Variants in TBC1D15 observed in about 807,000 individuals in gnomAD.
The protein encoded by TBC1D15 is TBC1 domain family member 15.
A neutral mutation model predicts 95.4 loss-of-function variants in TBC1D15; 39 were observed. The ratio of observed to expected loss-of-function variants is 0.41; its 90% CI spans 0.32 to 0.53. The LOEUF (loss-of-function observed/expected upper bound fraction) is 0.53. Ranked by LOEUF, TBC1D15 falls within the 20% of genes least tolerant of loss-of-function variation. The pLI, the probability that TBC1D15 is intolerant of heterozygous loss-of-function variation, is 0.29. For missense variants in TBC1D15, 733 were observed against 794.3 expected, an observed-to-expected ratio of 0.92 and a Z score of 0.93; for synonymous variants, 258 against 261.3, an observed-to-expected ratio of 0.99 and a Z score of 0.12.
chr12:71,893,979 TGAGA>T (rs1320503331), intron 6 of TBC1D15, among the ~76,000 whole-genome samples: 1 of 151,912 alleles, frequency 6.6e-6, no homozygotes, highest in Non-Finnish European at 1.5e-5. Flanking sequence ...GGAAAGAGGA[TGAGA>T]GAGAGAACTA....
chr12:71,892,235 T>C (rs1392844232), intron 5 of TBC1D15, among the ~76,000 whole-genome samples: 1 of 150,374 alleles, frequency 6.7e-6, no homozygotes, highest in African/African-American at 2.5e-5. Context: ...TATATGCAGA[T>C]CGAGTGCTGT....
intron 4 of TBC1D15, 120 bp from the exon 5 acceptor site, chr12:71,884,691 A>G (rs1369258190): frequency 1.5e-5 from 11 of 748,682 alleles, no homozygotes; most frequent in Non-Finnish European, 2.4e-5. Context: ...CCATAATAAT[A>G]TAAGTGCTAT....
At chr12:71,895,142 C>T (rs1205373848) in intron 7 of TBC1D15, among the ~76,000 whole-genome samples, 1 of 151,990 alleles carries the variant, frequency 6.6e-6, no homozygotes, top group Non-Finnish European at 1.5e-5. Flanking sequence ...TCATTGGGTG[C>T]ATAGCAGAGT....
At chr12:71,863,488 G>A (rs1406072033) in intron 1 of TBC1D15, among the ~76,000 whole-genome samples, 1 of 152,084 alleles carries the variant, frequency 6.6e-6, no homozygotes, top group East Asian at 1.9e-4. Flanking sequence ...TTTGACAGTT[G>A]GACTATAATG....
chr12:71,877,547 C>CCTTT (rs1894200927), intron 3 of TBC1D15, among the ~76,000 whole-genome samples: 1 of 120,266 alleles, frequency 8.3e-6, no homozygotes. Flanking sequence ...TTCCTTCCTT[C>CCTTT]CTTCCTTCCT....
At chr12:71,875,083 C>T (rs1348456839) in intron 3 of TBC1D15, among the ~76,000 whole-genome samples, 5 of 151,464 alleles carry the variant, frequency 3.3e-5, no homozygotes, top group African/African-American at 9.7e-5. Context: ...GAACTACAGG[C>T]GCATGCCACC....
At position 71,869,267 on chromosome 12, in the gene TBC1D15, A is replaced by G. The variant is rs969512939; in HGVS notation, c.31-2803A>G. 3.5e-4 allele frequency among the ~76,000 whole-genome samples: 53 copies of G among 152,326 alleles called. 1 individual carries two copies. Among genetic ancestry groups the G allele is most frequent in the African/African-American group, 1.1e-3 (44 of 41,578 alleles). On this transcript the variant is annotated intron_variant, in intron 1 of 16. Transcript: ENST00000485960. ...GCTGGGTGCTGTGGCTCATGCCTGT[A>G]ATCCCAGCACTTTGAGAGGCCAAGG...
At position 71,894,717 on chromosome 12, in the gene TBC1D15, T is replaced by A; in HGVS notation, c.689T>A (p.Met230Lys). Residue 230 changes from methionine to lysine, a missense_variant, in exon 7 of 17, where the codon ATG becomes AAG. Transcript: ENST00000485960. Reference sequence around the variant, plus strand: ...AAAAAGGACCCTTATACGGCAACTATGATAGGATTTTCCAAAGTCACAAAC... The same window carrying A: ...AAAAAGGACCCTTATACGGCAACTAAGATAGGATTTTCCAAAGTCACAAAC... ...KIKKDPYTAT[M>K]IGFSKVTNYI... The A allele has an allele frequency of 1.2e-6, 2 of 1,613,134 alleles. No homozygotes were observed. The highest frequency in any genetic ancestry group is 1.7e-6 in the Non-Finnish European group (2 of 1,179,320).
chr12:71,873,080 C>A, intron 3 of TBC1D15, 77 bp downstream of exon 3: 2 of 964,088 alleles, frequency 2.1e-6, no homozygotes, highest in Non-Finnish European at 3.1e-6. Context: ...AATTCACATA[C>A]CATAAAATGC....
rs200912836 is a variant in TBC1D15 at position 71,877,496 on chromosome 12, TTTCCTTCCTTCCTTCCTTCC to T, written c.205-2926_205-2907del. On this transcript the variant is annotated intron_variant, in intron 3 of 16. Coordinates refer to ENST00000485960, the MANE Select transcript of TBC1D15 (RefSeq NM_001146213.3). ...ATTTTAAAATCTTTTCTTTCCTGTTTTTCCTTCCTTCCTTCCTTCCTTCCTTCCTTCCTTCCTTCCTTCCT... is the reference window on the plus strand; with the variant it reads ...ATTTTAAAATCTTTTCTTTCCTGTTTTTCCTTCCTTCCTTCCTTCCTTCCT... 5.5e-3 allele frequency among the ~76,000 whole-genome samples: 492 copies of T among 89,692 alleles called. 2 individuals are homozygous for T. The highest frequency in any genetic ancestry group is 7.3e-3 in the Non-Finnish European group (323 of 44,210). The allele number at this position is 89,692 out of a possible 152,430, so 58.8% of individuals were successfully genotyped here. A position where few individuals can be genotyped will look rare whatever the true frequency, so the allele number is the denominator to read the frequency against.
chr12:71,872,811 G>A (rs1892967494), intron 2 of TBC1D15, 118 bp from the exon 3 acceptor site: 2 of 648,120 alleles, frequency 3.1e-6, no homozygotes, highest in Non-Finnish European at 5.1e-6. Flanking sequence ...TATGATGTTA[G>A]CATATTTAAA....
rs1592690036 is a variant in TBC1D15, at chr12:71,849,706, T to C, written c.30+9895T>C. On this transcript the variant is annotated intron_variant, in intron 1 of 16. Transcript: ENST00000485960. ...TCTGCATGGTCAGTCCCAGTACTGC[T>C]CTTTTCAAAGACTCGGGGGTCACTC... 5 of 549,350 alleles carry C rather than the reference T, an allele frequency of 9.1e-6. No individual in the cohort carries two copies. In the East Asian group the frequency reaches 2.1e-4, roughly 23 times the overall value. 34.0% of individuals were successfully genotyped at this position (549,350 alleles called of 1,614,324 possible). A position where few individuals can be genotyped will look rare whatever the true frequency, so the allele number is the denominator to read the frequency against.
chr12:71,882,444 T>A (rs1895393004), intron 4 of TBC1D15, among the ~76,000 whole-genome samples: 1 of 152,094 alleles, frequency 6.6e-6, no homozygotes. Context: ...AAGAGTAGAG[T>A]TGTTTGTTCA....
intron 14 of TBC1D15, among the ~76,000 whole-genome samples, chr12:71,919,233 T>C (rs552036754): frequency 6.9e-6 from 1 of 145,676 alleles, no homozygotes; most frequent in East Asian, 2.0e-4. Context: ...AGAGAAGGGG[T>C]CTTGCTATGT....
chr12:71,884,696 T>A lies in TBC1D15; in HGVS notation c.344-115T>A, dbSNP rs1031210909. 7 of 809,238 alleles carry A rather than the reference T, an allele frequency of 8.7e-6. No homozygotes were observed. In the African/African-American group the frequency reaches 1.0e-4, roughly 12 times the overall value. The allele number at this position is 809,238 out of a possible 1,614,324, so 50.1% of individuals were successfully genotyped here. A position where few individuals can be genotyped will look rare whatever the true frequency, so the allele number is the denominator to read the frequency against. On this transcript the variant is annotated intron_variant, in intron 4 of 16. Coordinates refer to ENST00000485960, the MANE Select transcript of TBC1D15 (RefSeq NM_001146213.3). ...CAGGTGGAAGCCATAATAATATAAG[T>A]GCTATACTGATTCCCTGGGTTCAAC...
intron 5 of TBC1D15, among the ~76,000 whole-genome samples, chr12:71,889,251 G>T (rs1896808144): frequency 6.6e-6 from 1 of 152,174 alleles, no homozygotes; most frequent in African/African-American, 2.4e-5. Flanking sequence ...CTTGGGGAAG[G>T]AGATAGTGTC....
At chr12:71,906,784 A>G (rs1900821923) in intron 10 of TBC1D15, among the ~76,000 whole-genome samples, 1 of 152,218 alleles carries the variant, frequency 6.6e-6, no homozygotes, top group Non-Finnish European at 1.5e-5. Context: ...CTATGTTTAG[A>G]TAATAATTGA....
intron 16 of TBC1D15, 46 bp from the exon 17 acceptor site, chr12:71,922,937 T>C (rs1247540944): frequency 1.3e-6 from 2 of 1,569,618 alleles, no homozygotes; most frequent in African/African-American, 1.4e-5. Flanking sequence ...TGGTTATTTT[T>C]CCTCTGTAGT....
chr12:71,877,496 T>TTCC (rs1894147759), intron 3 of TBC1D15, among the ~76,000 whole-genome samples: 10 of 89,676 alleles, frequency 1.1e-4, no homozygotes, highest in South Asian at 4.4e-4. Flanking sequence ...CTTTCCTGTT[T>TTCC]TTCCTTCCTT....
Sources: gnomAD v4.1 joint callset for allele counts (sites outside exome capture counted in the v4.1 genomes callset) on GRCh38, gnomAD v4.1.1 for gene constraint, MANE v1.5 for transcripts, NCBI Gene and HGNC (gene_info 2026-07-23, HGNC 2026-07-21) for gene names.